LRP1B: variants seen among roughly 807,000 people sequenced by gnomAD.
LRP1B encodes the protein LDL receptor related protein 1B.
A neutral mutation model predicts 556.6 loss-of-function variants in LRP1B; 217 were observed. That is an observed-to-expected ratio of 0.39 (90% CI 0.35 to 0.44). LRP1B has a LOEUF of 0.44. Among genes scored for constraint, LRP1B ranks in the 20% least tolerant of loss-of-function variants. The pLI is 1.00. For missense variants in LRP1B, 5,053 were observed against 5,620.8 expected (o/e 0.90, Z 3.23); for synonymous variants, 2,047 against 1,865.8 (o/e 1.10, Z -2.50).
At chr2:141,959,769 G>A (rs1470279379) in intron 1 of LRP1B, among the ~76,000 whole-genome samples, 2 of 151,590 alleles carry the variant, frequency 1.3e-5, no homozygotes, top group East Asian at 1.9e-4. Context: ...CTTTTACAAC[G>A]ACAGAATATC....
chr2:141,323,911 A>G (rs1687335381), intron 3 of LRP1B, among the ~76,000 whole-genome samples: 1 of 104,844 alleles, frequency 9.5e-6, no homozygotes, highest in African/African-American at 4.1e-5. Flanking sequence ...CACACACCTG[A>G]ACGAGGAAAC....
chr2:141,511,472 A>G (rs1420194357), intron 2 of LRP1B, among the ~76,000 whole-genome samples: 1 of 152,184 alleles, frequency 6.6e-6, no homozygotes, highest in Non-Finnish European at 1.5e-5. Context: ...GATTCCACTT[A>G]AATGTTTCTC....
At chr2:141,077,671 G>T (rs1000409657) in intron 7 of LRP1B, among the ~76,000 whole-genome samples, 1 of 152,178 alleles carries the variant, frequency 6.6e-6, no homozygotes, top group African/African-American at 2.4e-5. Context: ...CGAGGAAGAA[G>T]TTCCACCTGT....
At position 140,567,040 on chromosome 2, in the gene LRP1B, G is replaced by A. The variant is rs142117510; in HGVS notation, c.7195-25069C>T. On this transcript the variant is annotated intron_variant, in intron 43 of 90. Coordinates refer to ENST00000389484, the MANE Select transcript of LRP1B (RefSeq NM_018557.3). ...TGAACTAAGCAGCGGCACATCCCAAGTCTGAGCTGCTATAGTACCCCACAT... is the reference window on the plus strand; with the variant it reads ...TGAACTAAGCAGCGGCACATCCCAAATCTGAGCTGCTATAGTACCCCACAT... Among the ~76,000 whole-genome samples, 43 of 152,240 alleles carry A rather than the reference G, an allele frequency of 2.8e-4. No individual in the cohort carries two copies. In the East Asian group the frequency reaches 8.1e-3, roughly 29 times the overall value.
At chr2:141,375,131 T>C (rs1365037599) in intron 3 of LRP1B, among the ~76,000 whole-genome samples, 1 of 152,158 alleles carries the variant, frequency 6.6e-6, no homozygotes, top group Non-Finnish European at 1.5e-5. Flanking sequence ...TATGGCTTCT[T>C]TAGCAATACA....
intron 23 of LRP1B, among the ~76,000 whole-genome samples, chr2:140,902,667 G>C (rs185099085): frequency 8.5e-5 from 13 of 152,224 alleles, no homozygotes; most frequent in Admixed American, 2.0e-4. Context: ...GAGCCCATCC[G>C]GGATATGATA....
chr2:141,673,355 C>A (rs1371594798), intron 2 of LRP1B, among the ~76,000 whole-genome samples: 17 of 152,176 alleles, frequency 1.1e-4, no homozygotes, highest in Admixed American at 7.9e-4. Flanking sequence ...CAGCTGCCCT[C>A]TAAGCTAGGT....
intron 2 of LRP1B, among the ~76,000 whole-genome samples, chr2:141,557,550 A>T (rs1286386781): frequency 6.6e-6 from 1 of 151,938 alleles, no homozygotes; most frequent in Non-Finnish European, 1.5e-5. Context: ...TCACACAACT[A>T]CCACATCCGT....
intron 66 of LRP1B, among the ~76,000 whole-genome samples, chr2:140,428,753 T>C (rs1050244647): frequency 6.6e-6 from 1 of 152,164 alleles, no homozygotes; most frequent in Admixed American, 6.5e-5. Context: ...TTCAAGGGCC[T>C]GTTTCCCTTG....
At chr2:142,110,578 T>C (rs1001628) in intron 1 of LRP1B, among the ~76,000 whole-genome samples, 1 of 152,016 alleles carries the variant, frequency 6.6e-6, no homozygotes. Context: ...ATAAATTACA[T>C]TTTGAATGAC....
chr2:140,510,041 G>T lies in LRP1B; in HGVS notation c.8285C>A (p.Ala2762Asp). ...GCCCTGGCAGCTGAACATGTCAGCA[G>T]CACAGGTTATGGCACCTGAAACACA... ...SDSICGAITCAADMFSCQGSR... is the reference protein window; with the variant it reads ...SDSICGAITCDADMFSCQGSR... The change falls in exon 52 of 91, where the codon GCT (alanine) becomes GAT (aspartate). Residue 2762 changes from alanine (A) to aspartate (D), a missense_variant. Coordinates refer to ENST00000389484, the MANE Select transcript of LRP1B (RefSeq NM_018557.3). The T allele has an allele frequency of 1.2e-6, 2 of 1,613,822 alleles. No individual in the cohort carries two copies. The highest frequency in any genetic ancestry group is 1.7e-6 in the Non-Finnish European group (2 of 1,179,994).
At chr2:140,928,276 G>A (rs1442091513) in intron 20 of LRP1B, among the ~76,000 whole-genome samples, 1 of 152,166 alleles carries the variant, frequency 6.6e-6, no homozygotes, top group African/African-American at 2.4e-5. Flanking sequence ...ACGGATCAGA[G>A]TAATATTATA....
intron 2 of LRP1B, among the ~76,000 whole-genome samples, chr2:141,596,356 A>G (rs1197390465): frequency 2.0e-5 from 3 of 152,188 alleles, no homozygotes. Context: ...ATGGGAAAAT[A>G]CTGCTTTTTC....
At chr2:141,083,156 T>C (rs1449277368) in intron 7 of LRP1B, among the ~76,000 whole-genome samples, 1 of 152,220 alleles carries the variant, frequency 6.6e-6, no homozygotes, top group East Asian at 1.9e-4. Context: ...TATTAATAGC[T>C]TTAGTCTCCA....
intron 7 of LRP1B, among the ~76,000 whole-genome samples, chr2:141,181,314 A>G (rs60591303): frequency 0.016 from 2,432 of 152,124 alleles, 69 homozygotes; most frequent in African/African-American, 0.056. Flanking sequence ...ATAGAAAAAA[A>G]GGAACCCATG....
intron 41 of LRP1B, among the ~76,000 whole-genome samples, chr2:140,667,394 G>A (rs1685316542): frequency 6.6e-6 from 1 of 152,262 alleles, no homozygotes; most frequent in South Asian, 2.1e-4. Flanking sequence ...TACCTAAAGA[G>A]CAGTTGATAC....
chr2:140,254,408 A>G (rs1387107962), intron 86 of LRP1B, among the ~76,000 whole-genome samples: 1 of 152,204 alleles, frequency 6.6e-6, no homozygotes, highest in Non-Finnish European at 1.5e-5. Context: ...TACTGATGTT[A>G]GCTACTTGAA....
intron 1 of LRP1B, among the ~76,000 whole-genome samples, chr2:141,959,365 C>T (rs1701343568): frequency 6.6e-6 from 1 of 151,958 alleles, no homozygotes; most frequent in Non-Finnish European, 1.5e-5. Flanking sequence ...AATATTGTCA[C>T]ATACTAATGA....
At chr2:141,680,136 T>G (rs1241706427) in intron 2 of LRP1B, among the ~76,000 whole-genome samples, 1 of 151,990 alleles carries the variant, frequency 6.6e-6, no homozygotes, top group Non-Finnish European at 1.5e-5. Flanking sequence ...CTCTTTGCTT[T>G]TCAATATATT....
Sources: gnomAD v4.1 joint callset for allele counts (sites outside exome capture counted in the v4.1 genomes callset) on GRCh38, gnomAD v4.1.1 for gene constraint, MANE v1.5 for transcripts, NCBI Gene and HGNC (gene_info 2026-07-23, HGNC 2026-07-21) for gene names.